LIPI: variants seen among roughly 807,000 people sequenced by gnomAD.
The protein encoded by LIPI is lipase member I.
A neutral mutation model predicts 50.6 loss-of-function variants in LIPI; 59 were observed. The observed-to-expected ratio is 1.16, with a 90% CI of 0.94 to 1.45. The LOEUF (loss-of-function observed/expected upper bound fraction) is 1.45. Among genes scored for constraint, LIPI ranks in the 40% most tolerant of loss-of-function variants. The probability of loss-of-function intolerance (pLI) is 0.00; values close to 1 mark genes in which losing one functional copy is unlikely to be tolerated. For missense variants in LIPI, 586 were observed against 536.3 expected (o/e 1.09, Z -0.92); for synonymous variants, 203 against 178.2 (o/e 1.14, Z -1.11).
At chr21:14,203,196 G>C (rs1024001448) in intron 1 of LIPI, among the ~76,000 whole-genome samples, 2 of 152,130 alleles carry the variant, frequency 1.3e-5, no homozygotes, top group African/African-American at 4.8e-5. Flanking sequence ...AGGTGCTGGA[G>C]AGGATGTGGA....
chr21:14,194,966 G>A (rs979667524), intron 1 of LIPI, among the ~76,000 whole-genome samples: 5 of 152,050 alleles, frequency 3.3e-5, no homozygotes, highest in Admixed American at 6.6e-5. Flanking sequence ...TTAGACACTG[G>A]ACAACAAAAA....
intron 1 of LIPI, among the ~76,000 whole-genome samples, chr21:14,202,433 T>C (rs2020088403): frequency 6.6e-6 from 1 of 152,144 alleles, no homozygotes; most frequent in East Asian, 1.9e-4. Flanking sequence ...CTTCAAACTA[T>C]ACTACAAGGC....
intron 9 of LIPI, among the ~76,000 whole-genome samples, chr21:14,110,296 CT>C (rs1177414752): frequency 1.3e-5 from 2 of 151,264 alleles, no homozygotes; most frequent in Non-Finnish European, 3.0e-5. Context: ...TTAATATTCT[CT>C]TTTTTTTGCC....
At chr21:14,127,938 T>C (rs1255390545) in intron 9 of LIPI, among the ~76,000 whole-genome samples, 2 of 151,832 alleles carry the variant, frequency 1.3e-5, no homozygotes, top group African/African-American at 4.8e-5. Context: ...AAATGAAGGA[T>C]CCAATAATAA....
At chr21:14,174,964 G>A (rs2019044459) in intron 4 of LIPI, among the ~76,000 whole-genome samples, 1 of 152,102 alleles carries the variant, frequency 6.6e-6, no homozygotes, top group South Asian at 2.1e-4. Context: ...TTTGTTTCTG[G>A]CTTTTTAGAT....
chr21:14,165,115 G>T, intron 6 of LIPI, 108 bp downstream of exon 6: 1 of 804,070 alleles, frequency 1.2e-6, no homozygotes, highest in Non-Finnish European at 2.1e-6. Flanking sequence ...AAATGGTCAT[G>T]TATTAACAAG....
chr21:14,153,087 T>C (rs1233918144), intron 7 of LIPI, among the ~76,000 whole-genome samples: 1 of 152,184 alleles, frequency 6.6e-6, no homozygotes, highest in African/African-American at 2.4e-5. Context: ...GTACCAGCTA[T>C]TGCTTGCCAA....
intron 7 of LIPI, among the ~76,000 whole-genome samples, chr21:14,161,650 T>A (rs1460996645): frequency 7.8e-4 from 86 of 110,040 alleles, no homozygotes; most frequent in African/African-American, 3.1e-3. Context: ...ATATACATTA[T>A]TATATATTAA....
chr21:14,174,867 T>C (rs537139300), intron 4 of LIPI, among the ~76,000 whole-genome samples: 3 of 152,328 alleles, frequency 2.0e-5, no homozygotes, highest in African/African-American at 4.8e-5. Context: ...TCATTCTTTA[T>C]CTTCTAAGGA....
intron 9 of LIPI, among the ~76,000 whole-genome samples, chr21:14,124,935 C>T (rs571546812): frequency 1.1e-4 from 17 of 152,024 alleles, no homozygotes; most frequent in South Asian, 8.3e-4. Flanking sequence ...GTGGAGGTTG[C>T]GGTGAGCCAA....
At chr21:14,173,840 A>T (rs2019003474) in intron 4 of LIPI, among the ~76,000 whole-genome samples, 1 of 152,164 alleles carries the variant, frequency 6.6e-6, no homozygotes, top group Admixed American at 6.5e-5. Flanking sequence ...ACTTCATGAC[A>T]GGTCCCTAGA....
intron 9 of LIPI, among the ~76,000 whole-genome samples, chr21:14,128,779 T>G (rs991398100): frequency 6.6e-6 from 1 of 152,106 alleles, no homozygotes; most frequent in African/African-American, 2.4e-5. Flanking sequence ...GGCAGATAAC[T>G]CTAAAGATAA....
chr21:14,177,894 G>C (rs186034063), intron 4 of LIPI, among the ~76,000 whole-genome samples: 88 of 151,746 alleles, frequency 5.8e-4, no homozygotes, highest in African/African-American at 2.0e-3. Context: ...ATGAATGTCT[G>C]AAGGGTAACC....
chr21:14,194,298 T>C (rs2019772274), intron 1 of LIPI, among the ~76,000 whole-genome samples: 2 of 152,200 alleles, frequency 1.3e-5, no homozygotes, highest in South Asian at 4.1e-4. Flanking sequence ...ATTCCACTTC[T>C]GTATATACAC....
rs370130865 is a variant in LIPI at position 14,149,056 on chromosome 21, A to G, written c.1118+3517T>C. Among the ~76,000 whole-genome samples, 12 of 152,288 alleles carry G rather than the reference A, an allele frequency of 7.9e-5. 1 individual carries two copies. Among genetic ancestry groups the G allele is most frequent in the Admixed American group, 2.6e-4 (4 of 15,284 alleles). On this transcript the variant is annotated intron_variant, in intron 8 of 9. Transcript: ENST00000681601. ...TCATGTGCAATTTTTGAATTTAGAT[A>G]CTGTATTAGTCTGTTCTCATGTGGC...
intron 1 of LIPI, among the ~76,000 whole-genome samples, chr21:14,203,386 T>TA (rs1386933576): frequency 1.3e-5 from 2 of 152,176 alleles, no homozygotes; most frequent in South Asian, 2.1e-4. Context: ...CATACACACT[T>TA]ACGTTTATTG....
chr21:14,120,974 A>C (rs1213391944), intron 9 of LIPI, among the ~76,000 whole-genome samples: 1 of 152,214 alleles, frequency 6.6e-6, no homozygotes, highest in Non-Finnish European at 1.5e-5. Flanking sequence ...GGAATTCAGG[A>C]AACAGGAGCA....
In LIPI at chr21:14,206,815, C is replaced by A. The variant is rs374233226; in HGVS notation, c.46+3985G>T. The A allele has an allele frequency of 7.7e-6, 12 of 1,567,606 alleles. No individual in the cohort carries two copies. In the East Asian group the frequency reaches 9.0e-5, roughly 12 times the overall value. On this transcript the variant is annotated intron_variant, in intron 1 of 9. Transcript: ENST00000681601. ...AGAAAGTGAAGTTAAAAGAGATTAC[C>A]TGATCTCAGGCACACAACTAGAAGC...
chr21:14,186,187 G>C (rs745311090), intron 2 of LIPI, 118 bp from the exon 3 acceptor site: 1 of 704,358 alleles, frequency 1.4e-6, no homozygotes, highest in Non-Finnish European at 2.6e-6. Flanking sequence ...TCATTTTGGG[G>C]ATATCGGGAA....
Sources: gnomAD v4.1 joint callset for allele counts (sites outside exome capture counted in the v4.1 genomes callset) on GRCh38, gnomAD v4.1.1 for gene constraint, MANE v1.5 for transcripts, NCBI Gene and HGNC (gene_info 2026-07-23, HGNC 2026-07-21) for gene names.